The following TBC1D14 variants were observed in gnomAD, a reference collection of about 807,000 sequenced individuals.
The protein encoded by TBC1D14 is TBC1 domain family, member 14.
Under a neutral mutation model 79.0 loss-of-function variants are expected in TBC1D14, and 26 were observed. The ratio of observed to expected loss-of-function variants is 0.33; its 90% CI spans 0.24 to 0.46. The LOEUF is 0.46. Ranked by LOEUF, TBC1D14 falls within the 20% of genes least tolerant of loss-of-function variation. The probability of loss-of-function intolerance (pLI) is 1.00; values close to 1 mark genes in which losing one functional copy is unlikely to be tolerated. For missense variants in TBC1D14, 769 were observed against 887.6 expected, an observed-to-expected ratio of 0.87 and a Z score of 1.70; for synonymous variants, 394 against 349.9, an observed-to-expected ratio of 1.13 and a Z score of -1.40.
intron 2 of TBC1D14, among the ~76,000 whole-genome samples, chr4:6,952,967 G>A (rs1272136368): frequency 2.0e-5 from 3 of 151,032 alleles, no homozygotes; most frequent in Admixed American, 2.0e-4. Context: ...TCAGCCTCCC[G>A]AGTACCTAGG....
intron 2 of TBC1D14, chr4:6,954,325 C>T (rs1714414986): frequency 1.4e-6 from 1 of 717,408 alleles, no homozygotes; most frequent in Non-Finnish European, 2.6e-6. Context: ...CCCTGCGCTC[C>T]TGTTCATGGA....
intron 2 of TBC1D14, among the ~76,000 whole-genome samples, chr4:6,927,947 A>T (rs1326406582): frequency 6.6e-6 from 1 of 152,198 alleles, no homozygotes; most frequent in Non-Finnish European, 1.5e-5. Context: ...GTATTTATTT[A>T]GAAACCCAGA....
chr4:7,008,619 G>A (rs926534580), intron 9 of TBC1D14, among the ~76,000 whole-genome samples: 20 of 152,144 alleles, frequency 1.3e-4, no homozygotes, highest in African/African-American at 4.6e-4. Context: ...CACCATGTTG[G>A]CCAGGCTGGT....
intron 2 of TBC1D14, among the ~76,000 whole-genome samples, chr4:6,950,225 T>C (rs1020129135): frequency 6.6e-6 from 1 of 152,250 alleles, no homozygotes; most frequent in Non-Finnish European, 1.5e-5. Context: ...TCCGTGTCCC[T>C]GCAAAGGACG....
At chr4:7,005,702 A>G (rs1720123139) in intron 8 of TBC1D14, among the ~76,000 whole-genome samples, 1 of 152,092 alleles carries the variant, frequency 6.6e-6, no homozygotes, top group East Asian at 1.9e-4. Context: ...CCCTCTAAAA[A>G]AAAAAAAAGA....
chr4:7,007,682 G>C, intron 9 of TBC1D14: 2 of 1,131,044 alleles, frequency 1.8e-6, no homozygotes, highest in South Asian at 1.3e-5. Flanking sequence ...ACTTAGCTGG[G>C]AGCCTGTTTC....
At chr4:6,984,829 G>GT (rs931620231) in intron 3 of TBC1D14, among the ~76,000 whole-genome samples, 9 of 152,350 alleles carry the variant, frequency 5.9e-5, no homozygotes, top group African/African-American at 2.2e-4. Flanking sequence ...GCCTGTGATT[G>GT]TAAGGAGGGG....
At chr4:7,014,911 C>G (rs1164039030) in intron 12 of TBC1D14, among the ~76,000 whole-genome samples, 1 of 152,216 alleles carries the variant, frequency 6.6e-6, no homozygotes, top group Non-Finnish European at 1.5e-5. Flanking sequence ...GTGGGAGACA[C>G]GTGTGTCCAT....
At chr4:6,939,966 C>G (rs4234790) in intron 2 of TBC1D14, among the ~76,000 whole-genome samples, 68,202 of 152,056 alleles carry the variant, frequency 0.45, 16,321 homozygotes, top group East Asian at 0.67. Flanking sequence ...ACACCAGGCT[C>G]CTTGAGAAAT....
At chr4:6,995,569 G>C (rs1718939823) in intron 4 of TBC1D14, 1 of 150,876 alleles carries the variant, frequency 6.6e-6, no homozygotes, top group Admixed American at 6.6e-5. Flanking sequence ...CTGGAGCACA[G>C]TGGCGCGATC....
intron 2 of TBC1D14, among the ~76,000 whole-genome samples, chr4:6,952,112 C>T (rs1560275511): frequency 6.6e-6 from 1 of 152,120 alleles, no homozygotes; most frequent in African/African-American, 2.4e-5. Context: ...TAGTGGGAAC[C>T]GATGAGAAGT....
chr4:6,913,041 T>C (rs1011327907), intron 1 of TBC1D14, among the ~76,000 whole-genome samples: 2 of 152,250 alleles, frequency 1.3e-5, no homozygotes, highest in African/African-American at 4.8e-5. Context: ...TTGCCCAGGC[T>C]GGAGTGCAAT....
intron 2 of TBC1D14, among the ~76,000 whole-genome samples, chr4:6,957,614 C>T (rs1210186150): frequency 6.6e-6 from 1 of 152,176 alleles, no homozygotes. Context: ...GCACTTCTTG[C>T]TATATTCCTG....
intron 12 of TBC1D14, among the ~76,000 whole-genome samples, chr4:7,020,415 C>A (rs1310763527): frequency 6.6e-6 from 1 of 152,200 alleles, no homozygotes. Context: ...CTAGCACTGT[C>A]TAATCTAACT....
intron 6 of TBC1D14, among the ~76,000 whole-genome samples, chr4:7,000,355 A>G (rs1406758213): frequency 6.6e-6 from 1 of 151,986 alleles, no homozygotes; most frequent in African/African-American, 2.4e-5. Flanking sequence ...ACTTTATCTC[A>G]CTTCATCCTC....
intron 3 of TBC1D14, among the ~76,000 whole-genome samples, chr4:6,977,292 C>A (rs1175336127): frequency 6.8e-6 from 1 of 148,066 alleles, no homozygotes; most frequent in South Asian, 2.2e-4. Flanking sequence ...GACTGGTTTT[C>A]GTATTTTTTT....
chr4:7,013,312 G>A (rs6835187), intron 11 of TBC1D14, among the ~76,000 whole-genome samples: 5,154 of 152,306 alleles, frequency 0.034, 301 homozygotes, highest in African/African-American at 0.12. Context: ...ACATTGACCA[G>A]TGTTGCCTTA....
chr4:6,977,649 C>T lies in TBC1D14; in HGVS notation c.843+10225C>T, dbSNP rs4386604. Among the ~76,000 whole-genome samples the T allele has an allele frequency of 1.0e-4, 15 of 146,292 alleles. No homozygotes were observed. The South Asian group carries it at 2.7e-3, about 26-fold the overall frequency. On this transcript the variant is annotated intron_variant, in intron 3 of 13. Transcript: ENST00000409757. The stretch of plus-strand genomic sequence containing the variant: ...CTGGAAAGTGAGGAGCGTCTCTGCC[C>T]GGCCGCCATCCCATCTAGGAAGTGA...
At chr4:6,952,085 G>T (rs1714092346) in intron 2 of TBC1D14, among the ~76,000 whole-genome samples, 1 of 152,178 alleles carries the variant, frequency 6.6e-6, no homozygotes, top group Non-Finnish European at 1.5e-5. Context: ...ACCAGATGTG[G>T]TTTGAAACTC....
Sources: gnomAD v4.1 joint callset for allele counts (sites outside exome capture counted in the v4.1 genomes callset) on GRCh38, gnomAD v4.1.1 for gene constraint, MANE v1.5 for transcripts, NCBI Gene and HGNC (gene_info 2026-07-23, HGNC 2026-07-21) for gene names.